Variants in AOPEP observed in about 807,000 individuals in gnomAD.
AOPEP encodes the protein aminopeptidase O.
AOPEP carries 77 observed loss-of-function variants against 98.1 expected under a neutral mutation model. That is an observed-to-expected ratio of 0.78 (90% CI 0.65 to 0.95). AOPEP has a LOEUF of 0.95. Among genes scored for constraint, AOPEP ranks in the 40% least tolerant of loss-of-function variants. AOPEP has a pLI of 0.00. For missense variants in AOPEP, 1,024 were observed against 1,024.7 expected, an observed-to-expected ratio of 1.00 and a Z score of 0.01; for synonymous variants, 346 against 365.3, an observed-to-expected ratio of 0.95 and a Z score of 0.60.
chr9:94,841,437 G>A (rs1379545055), intron 5 of AOPEP, among the ~76,000 whole-genome samples: 2 of 152,196 alleles, frequency 1.3e-5, no homozygotes, highest in Admixed American at 6.5e-5. Context: ...GCCTCCCAAA[G>A]TGCTGGGATT....
chr9:94,830,716 T>C (rs534147433), intron 5 of AOPEP, among the ~76,000 whole-genome samples: 2 of 152,222 alleles, frequency 1.3e-5, no homozygotes, highest in Non-Finnish European at 2.9e-5. Flanking sequence ...CAGCATCTGT[T>C]GTTTCTTGAC....
Position 94,759,730 on chromosome 9 carries a change from G to A in AOPEP, c.-54G>A, listed in dbSNP as rs1837840556. On this transcript the variant is annotated 5_prime_UTR_variant, in exon 2 of 17. Coordinates refer to ENST00000375315, the MANE Select transcript of AOPEP (RefSeq NM_001193329.3). ...TTTATGATTCTGGAAGATTAAGGCA[G>A]ATAGGAAACCCCATCTGAGATTTTA... 41 of 1,397,258 alleles carry A rather than the reference G, an allele frequency of 2.9e-5. No individual in the cohort carries two copies. In the East Asian group the frequency reaches 9.2e-4, roughly 31 times the overall value. The allele number at this position is 1,397,258 out of a possible 1,614,324, so 86.6% of individuals were successfully genotyped here.
At chr9:95,044,100 A>G (rs1234367001) in intron 13 of AOPEP, among the ~76,000 whole-genome samples, 1 of 152,228 alleles carries the variant, frequency 6.6e-6, no homozygotes, top group African/African-American at 2.4e-5. Flanking sequence ...CTGCATTTGC[A>G]TAAAGCAGAG....
chr9:95,117,936 G>A, the AOPEP span, among the ~76,000 whole-genome samples: 1 of 152,140 alleles, frequency 6.6e-6, no homozygotes. Context: ...TGGTCAGGCT[G>A]GTCTCGAACT....
intron 13 of AOPEP, among the ~76,000 whole-genome samples, chr9:95,007,051 G>T (rs2062083298): frequency 2.6e-5 from 4 of 151,756 alleles, no homozygotes; most frequent in Admixed American, 2.0e-4. Flanking sequence ...ACAGGCACAT[G>T]GCACCACACC....
intron 13 of AOPEP, among the ~76,000 whole-genome samples, chr9:95,034,745 C>T (rs2064632572): frequency 6.6e-6 from 1 of 152,172 alleles, no homozygotes; most frequent in Non-Finnish European, 1.5e-5. Flanking sequence ...AACTGACAGT[C>T]TTTGACTCAA....
At chr9:94,827,511 C>A (rs1164715327) in intron 5 of AOPEP, among the ~76,000 whole-genome samples, 1 of 152,160 alleles carries the variant, frequency 6.6e-6, no homozygotes, top group African/African-American at 2.4e-5. Flanking sequence ...GGTTTCTTCT[C>A]TAACTTATCA....
At chr9:95,053,939 T>G (rs2066608376) in intron 13 of AOPEP, among the ~76,000 whole-genome samples, 1 of 152,118 alleles carries the variant, frequency 6.6e-6, no homozygotes, top group African/African-American at 2.4e-5. Context: ...GGTCTGAAAC[T>G]CCTGAGCTCA....
At chr9:94,878,252 T>C (rs1035115307) in intron 5 of AOPEP, among the ~76,000 whole-genome samples, 1 of 148,932 alleles carries the variant, frequency 6.7e-6, no homozygotes, top group African/African-American at 2.5e-5. Context: ...TGTCCGCATC[T>C]AGGATGCTGT....
At chr9:94,948,388 A>G (rs2137753935) in intron 7 of AOPEP, among the ~76,000 whole-genome samples, 1 of 139,330 alleles carries the variant, frequency 7.2e-6, no homozygotes, top group South Asian at 2.1e-4. Flanking sequence ...AAGATGCCCC[A>G]CTGAATTTCT....
chr9:94,823,083 G>A (rs11788697), intron 5 of AOPEP, among the ~76,000 whole-genome samples: 60,999 of 151,558 alleles, frequency 0.4, 12,964 homozygotes, highest in East Asian at 0.51. Context: ...CGCAACTTCC[G>A]CCTCTTGGGT....
the AOPEP span, among the ~76,000 whole-genome samples, chr9:95,097,387 C>G: frequency 2.0e-5 from 3 of 152,198 alleles, no homozygotes; most frequent in Admixed American, 6.5e-5. Flanking sequence ...AAGCCAGATG[C>G]GTGATTTCCT....
At chr9:95,120,715 G>A in the AOPEP span, among the ~76,000 whole-genome samples, 8 of 152,216 alleles carry the variant, frequency 5.3e-5, no homozygotes, top group Non-Finnish European at 8.8e-5. Flanking sequence ...GGCATGAGCC[G>A]CCGTGCCCAG....
chr9:94,967,535 T>C (rs1481148371), intron 9 of AOPEP, among the ~76,000 whole-genome samples: 1 of 152,198 alleles, frequency 6.6e-6, no homozygotes, highest in Non-Finnish European at 1.5e-5. Flanking sequence ...AACATTCCAC[T>C]TTTTAATGTG....
intron 1 of AOPEP, among the ~76,000 whole-genome samples, chr9:94,736,192 A>C (rs2131812214): frequency 6.6e-6 from 1 of 152,270 alleles, no homozygotes; most frequent in South Asian, 2.1e-4. Context: ...TTCCTATAGG[A>C]AGTGGGGACT....
intron 11 of AOPEP, among the ~76,000 whole-genome samples, chr9:94,989,727 T>A (rs887250793): frequency 1.3e-5 from 2 of 151,010 alleles, no homozygotes; most frequent in African/African-American, 4.9e-5. Flanking sequence ...TTCTCCTGCC[T>A]CAGCCTCCTG....
chr9:94,838,283 C>T (rs1312143105), intron 5 of AOPEP, among the ~76,000 whole-genome samples: 3 of 152,188 alleles, frequency 2.0e-5, no homozygotes, highest in Non-Finnish European at 4.4e-5. Flanking sequence ...TGGTGGGTTA[C>T]AGGCGTGAGC....
intron 2 of AOPEP, among the ~76,000 whole-genome samples, chr9:94,771,661 C>G (rs1468754184): frequency 6.6e-6 from 1 of 152,072 alleles, no homozygotes; most frequent in Admixed American, 6.6e-5. Context: ...TACGTTACTT[C>G]TGTAACGTAT....
intron 7 of AOPEP, 62 bp from the exon 8 acceptor site, chr9:94,955,115 A>G (rs556188693): frequency 1.1e-6 from 1 of 898,850 alleles, no homozygotes; most frequent in African/African-American, 1.7e-5. Flanking sequence ...ATAAGATGCT[A>G]TTATGACCTA....
Sources: gnomAD v4.1 joint callset for allele counts (sites outside exome capture counted in the v4.1 genomes callset) on GRCh38, gnomAD v4.1.1 for gene constraint, MANE v1.5 for transcripts, NCBI Gene and HGNC (gene_info 2026-07-23, HGNC 2026-07-21) for gene names.